Variants in ANKRD36C observed in about 807,000 individuals in gnomAD.
ANKRD36C encodes the protein ankyrin repeat domain 36C.
ANKRD36C carries 61 observed loss-of-function variants against 276.4 expected under a neutral mutation model. The ratio of observed to expected loss-of-function variants is 0.22; its 90% CI spans 0.18 to 0.27. ANKRD36C has a LOEUF of 0.27. ANKRD36C is among the 10% of genes least tolerant of loss of function. The pLI is 1.00. For synonymous variants in ANKRD36C, 483 were observed against 680.1 expected (o/e 0.71, Z 4.51); for missense variants, 1,447 against 2,032.3 (o/e 0.71, Z 5.54).
intron 61 of ANKRD36C, among the ~76,000 whole-genome samples, chr2:95,858,063 T>A (rs1187423489): frequency 6.6e-6 from 1 of 151,970 alleles, no homozygotes; most frequent in Non-Finnish European, 1.5e-5. Flanking sequence ...CAGCTTTGAG[T>A]TGGCCTGCCT....
intron 36 of ANKRD36C, among the ~76,000 whole-genome samples, chr2:95,916,613 A>G (rs1677103987): frequency 6.6e-6 from 1 of 151,762 alleles, no homozygotes; most frequent in African/African-American, 2.4e-5. Flanking sequence ...AACTTGCCCA[A>G]TAACTGAGAA....
At chr2:95,909,684 A>C (rs1411925503) in intron 42 of ANKRD36C, among the ~76,000 whole-genome samples, 2 of 149,692 alleles carry the variant, frequency 1.3e-5, no homozygotes, top group African/African-American at 4.9e-5. Context: ...AAAATCAACA[A>C]AACATGTATC....
intron 24 of ANKRD36C, among the ~76,000 whole-genome samples, chr2:95,930,942 T>C (rs2104442164): frequency 6.6e-6 from 1 of 151,744 alleles, no homozygotes; most frequent in South Asian, 2.1e-4. Flanking sequence ...CTTCTGCTTC[T>C]GCTTTCCATT....
intron 12 of ANKRD36C, 99 bp from the exon 13 acceptor site, chr2:95,956,915 G>C: frequency 8.2e-7 from 1 of 1,220,046 alleles, no homozygotes; most frequent in South Asian, 1.4e-5. Flanking sequence ...TATAATCTCA[G>C]CTACTCAAAA....
intron 5 of ANKRD36C, 21 bp downstream of exon 5, chr2:95,980,627 C>A: frequency 6.2e-7 from 1 of 1,606,170 alleles, no homozygotes; most frequent in Non-Finnish European, 8.5e-7. Context: ...TGTTCATTAG[C>A]CTTTTTATGT....
chr2:95,892,539 A>C (rs1292911951), intron 44 of ANKRD36C, among the ~76,000 whole-genome samples: 1 of 151,570 alleles, frequency 6.6e-6, no homozygotes, highest in Non-Finnish European at 1.5e-5. Flanking sequence ...ACAATATATT[A>C]GCCTCAATAA....
intron 6 of ANKRD36C, among the ~76,000 whole-genome samples, chr2:95,967,346 T>C (rs1247477243): frequency 6.6e-6 from 1 of 152,158 alleles, no homozygotes; most frequent in Non-Finnish European, 1.5e-5. Flanking sequence ...CAGACACTTC[T>C]CAAAAGAATA....
At chr2:95,908,361 A>C (rs1474906809) in intron 42 of ANKRD36C, 141 bp downstream of exon 48, 12 of 722,268 alleles carry the variant, frequency 1.7e-5, no homozygotes, top group East Asian at 2.7e-4. Flanking sequence ...TCATCACCCA[A>C]GAACTTATTT....
chr2:95,882,593 C>T (rs1411858863), intron 54 of ANKRD36C, 96 bp from the exon 75 acceptor site: 7 of 1,419,452 alleles, frequency 4.9e-6, no homozygotes, highest in East Asian at 2.5e-5. Context: ...TATCCTCCTG[C>T]CTGTACTAGT....
intron 44 of ANKRD36C, among the ~76,000 whole-genome samples, chr2:95,896,783 T>A (rs1676563508): frequency 6.7e-6 from 1 of 149,352 alleles, no homozygotes; most frequent in Non-Finnish European, 1.5e-5. Flanking sequence ...ATAAATGACT[T>A]CCTCTTTTCA....
At chr2:95,903,013 T>A in intron 42 of ANKRD36C, 40 bp downstream of exon 53, 1 of 1,570,906 alleles carries the variant, frequency 6.4e-7, no homozygotes, top group South Asian at 1.1e-5. Context: ...TCATAGACTA[T>A]ACATTTACTA....
Position 95,887,420 on chromosome 2 carries a change from T to C in ANKRD36C, c.3061+505A>G, listed in dbSNP as rs1291961672. 2.0e-5 allele frequency among the ~76,000 whole-genome samples: 3 copies of C among 151,178 alleles called. No homozygotes were observed. The East Asian group carries it at 5.9e-4, about 30-fold the overall frequency. Reference sequence around the variant, plus strand: ...GTTTCCTCAGCAGAAACCCCAAAATTACATAAATAACTTCTTCTTTTCCCT... The same window carrying C: ...GTTTCCTCAGCAGAAACCCCAAAATCACATAAATAACTTCTTCTTTTCCCT... On this transcript the variant is annotated intron_variant, in intron 50 of 66. Coordinates refer to ENST00000456556, the Ensembl canonical transcript of ANKRD36C.
At chr2:95,880,543 T>C in intron 57 of ANKRD36C, 44 bp from the exon 78 acceptor site, 1 of 1,533,556 alleles carries the variant, frequency 6.5e-7, no homozygotes, top group Non-Finnish European at 8.8e-7. Context: ...TGATGTATAT[T>C]GGTATAGGTT....
chr2:95,914,937 T>G (rs183539162), intron 38 of ANKRD36C, among the ~76,000 whole-genome samples: 1 of 151,432 alleles, frequency 6.6e-6, no homozygotes, highest in Non-Finnish European at 1.5e-5. Flanking sequence ...AGTTTAGCCT[T>G]CCAAACGTTT....
At chr2:95,956,331 TC>T (rs1678326671) in intron 13 of ANKRD36C, among the ~76,000 whole-genome samples, 1 of 152,276 alleles carries the variant, frequency 6.6e-6, no homozygotes, top group Non-Finnish European at 1.5e-5. Context: ...CACTGCCATT[TC>T]CAAAATATTT....
chr2:95,902,220 T>G (rs1160284603), intron 42 of ANKRD36C, among the ~76,000 whole-genome samples: 1 of 149,580 alleles, frequency 6.7e-6, no homozygotes, highest in African/African-American at 2.5e-5. Context: ...TGCCTCCTAG[T>G]AACCAAGAGG....
intron 36 of ANKRD36C, among the ~76,000 whole-genome samples, chr2:95,916,552 A>G (rs1677102711): frequency 6.6e-6 from 1 of 151,638 alleles, no homozygotes; most frequent in South Asian, 2.1e-4. Context: ...CTTTCATGCA[A>G]GAAACCAAAG....
chr2:95,919,612 G>T, intron 34 of ANKRD36C, 121 bp downstream of exon 36: 1 of 511,368 alleles, frequency 2.0e-6, no homozygotes, highest in Non-Finnish European at 2.5e-6. Context: ...TCTCAGGCCT[G>T]CTGAATCAGA....
rs1558631233 is a variant in ANKRD36C at position 95,895,597 on chromosome 2, AG to A, written c.2755+3547del. ...GCTTTTTTCCGAGAAGACACTGAAA[AG>A]CAAAAGGGATACATAATCACTCACA... On this transcript the variant is annotated intron_variant, in intron 44 of 66. Coordinates refer to ENST00000456556, the Ensembl canonical transcript of ANKRD36C. 5.1e-6 allele frequency: 8 copies of A among 1,556,716 alleles called. No homozygotes were observed. In the South Asian group the frequency reaches 9.0e-5, roughly 18 times the overall value.
Sources: allele counts gnomAD v4.1 joint callset (sites outside exome capture counted in the v4.1 genomes callset), GRCh38; gene constraint gnomAD v4.1.1; transcripts MANE v1.5; gene names NCBI Gene and HGNC (gene_info 2026-07-23, HGNC 2026-07-21).